SNX29: variants seen among roughly 807,000 people sequenced by gnomAD.
SNX29 encodes the protein sorting nexin-29.
A neutral mutation model predicts 102.1 loss-of-function variants in SNX29; 78 were observed. The observed-to-expected ratio is 0.76, with a 90% confidence interval of 0.64 to 0.92. The LOEUF is 0.92. Among genes scored for constraint, SNX29 ranks in the 40% least tolerant of loss-of-function variants. The probability of loss-of-function intolerance (pLI) is 0.00; values close to 1 mark genes in which losing one functional copy is unlikely to be tolerated. For synonymous variants in SNX29, 580 were observed against 414.5 expected (o/e 1.40, Z -4.85); for missense variants, 1,280 against 1,061.7 (o/e 1.21, Z -2.86).
intron 20 of SNX29, among the ~76,000 whole-genome samples, chr16:12,563,064 C>G (rs974934853): frequency 1.7e-4 from 26 of 152,172 alleles, no homozygotes; most frequent in African/African-American, 5.8e-4. Flanking sequence ...AATGTAGGTA[C>G]TGGAAGAGAA....
chr16:12,014,739 A>C (rs2056790775), intron 3 of SNX29, among the ~76,000 whole-genome samples: 1 of 151,576 alleles, frequency 6.6e-6, no homozygotes, highest in African/African-American at 2.4e-5. Flanking sequence ...TCTCAAAAAA[A>C]AAAAAAAAAA....
At chr16:12,268,775 C>A (rs2079007485) in intron 14 of SNX29, among the ~76,000 whole-genome samples, 1 of 152,182 alleles carries the variant, frequency 6.6e-6, no homozygotes, top group South Asian at 2.1e-4. Context: ...TCAGCTTGTT[C>A]ACATTGAAAG....
chr16:12,043,893 C>G (rs538079272), intron 5 of SNX29, among the ~76,000 whole-genome samples: 1 of 152,142 alleles, frequency 6.6e-6, no homozygotes, highest in Non-Finnish European at 1.5e-5. Flanking sequence ...GCTGGGATTA[C>G]AGGCCTGTGC....
chr16:12,148,911 A>G (rs2141570296), intron 13 of SNX29, among the ~76,000 whole-genome samples: 1 of 152,116 alleles, frequency 6.6e-6, no homozygotes, highest in Non-Finnish European at 1.5e-5. Flanking sequence ...CATGTTTGTC[A>G]GGCTGGTCTC....
intron 19 of SNX29, among the ~76,000 whole-genome samples, chr16:12,478,480 C>A (rs1322547027): frequency 6.6e-6 from 1 of 152,186 alleles, no homozygotes; most frequent in African/African-American, 2.4e-5. Flanking sequence ...GTTTATTCAT[C>A]CCGGTTCCCT....
intron 20 of SNX29, among the ~76,000 whole-genome samples, chr16:12,562,436 T>C (rs1598073687): frequency 6.6e-6 from 1 of 152,170 alleles, no homozygotes; most frequent in Non-Finnish European, 1.5e-5. Context: ...TGCACACAGC[T>C]TGCTAGTTTG....
chr16:12,025,249 C>T (rs556245462), intron 3 of SNX29, among the ~76,000 whole-genome samples: 6 of 134,912 alleles, frequency 4.4e-5, no homozygotes, highest in Admixed American at 1.7e-4. Context: ...TTGCAGTGAG[C>T]CGAGATTGTG....
At chr16:12,144,539 T>C (rs2054983962) in intron 13 of SNX29, among the ~76,000 whole-genome samples, 1 of 152,200 alleles carries the variant, frequency 6.6e-6, no homozygotes, top group African/African-American at 2.4e-5. Flanking sequence ...GCTGGGCTCC[T>C]TTTTCCGTTA....
intron 20 of SNX29, among the ~76,000 whole-genome samples, chr16:12,561,731 G>A (rs1368242350): frequency 2.0e-5 from 3 of 152,202 alleles, no homozygotes; most frequent in Non-Finnish European, 4.4e-5. Flanking sequence ...GCTAGCAGCA[G>A]GGAGGATGGA....
At position 12,567,502 on chromosome 16, in the gene SNX29, T is replaced by C. The variant is rs556533823; in HGVS notation, c.2319-1004T>C. ...GGACTTTACAGATGTGATTAAGGAT[T>C]GGCCAGGCACAGTGGCTCACACCTG... On this transcript the variant is annotated intron_variant, in intron 20 of 20. Transcript: ENST00000566228. 6.4e-4 allele frequency among the ~76,000 whole-genome samples: 97 copies of C among 152,310 alleles called. 1 individual carries two copies. Among genetic ancestry groups the C allele is most frequent in the African/African-American group, 2.2e-3 (92 of 41,568 alleles).
intron 8 of SNX29, among the ~76,000 whole-genome samples, chr16:12,060,217 T>G (rs1346184216): frequency 6.6e-6 from 1 of 152,172 alleles, no homozygotes; most frequent in Non-Finnish European, 1.5e-5. Context: ...TGGATTGTAT[T>G]AGGTATCATA....
At chr16:12,308,348 G>A (rs562543676) in intron 15 of SNX29, among the ~76,000 whole-genome samples, 1 of 152,310 alleles carries the variant, frequency 6.6e-6, no homozygotes, top group East Asian at 1.9e-4. Flanking sequence ...TTCCCTCATG[G>A]GGTGTGGGGT....
At chr16:12,176,598 T>C (rs1395046137) in intron 13 of SNX29, among the ~76,000 whole-genome samples, 1 of 152,194 alleles carries the variant, frequency 6.6e-6, no homozygotes, top group Non-Finnish European at 1.5e-5. Flanking sequence ...TTATAAGTAA[T>C]CTAGAGGTGA....
chr16:12,055,848 C>G (rs1277457364), intron 8 of SNX29, among the ~76,000 whole-genome samples: 3 of 152,190 alleles, frequency 2.0e-5, no homozygotes, highest in Non-Finnish European at 4.4e-5. Flanking sequence ...TGTGGCCCAG[C>G]AAAATTGACA....
chr16:12,387,763 G>A (rs1036561348), intron 16 of SNX29, among the ~76,000 whole-genome samples: 3 of 152,010 alleles, frequency 2.0e-5, no homozygotes, highest in Admixed American at 1.3e-4. Flanking sequence ...GGTCTTTTCC[G>A]GGAGACCTTG....
intron 19 of SNX29, among the ~76,000 whole-genome samples, chr16:12,513,447 G>A (rs984296740): frequency 6.6e-6 from 1 of 151,420 alleles, no homozygotes; most frequent in Admixed American, 6.6e-5. Flanking sequence ...TCCCTGCGCT[G>A]CCTTCCTCTG....
intron 15 of SNX29, among the ~76,000 whole-genome samples, chr16:12,300,396 G>T (rs1235672208): frequency 6.6e-6 from 1 of 152,116 alleles, no homozygotes; most frequent in East Asian, 1.9e-4. Context: ...TCAGTGATCA[G>T]CTTGGTGGTT....
chr16:12,401,510 C>T (rs7193658), intron 17 of SNX29, among the ~76,000 whole-genome samples: 5,493 of 151,712 alleles, frequency 0.036, 257 homozygotes, highest in African/African-American at 0.1. Context: ...ACTACAGGCG[C>T]GTGCCACCAT....
At chr16:12,531,833 G>A (rs1341641959) in intron 20 of SNX29, among the ~76,000 whole-genome samples, 2 of 152,326 alleles carry the variant, frequency 1.3e-5, no homozygotes, top group Non-Finnish European at 2.9e-5. Context: ...TAGGATGGCC[G>A]CCTGTGAGCT....
Sources: gnomAD v4.1 joint callset for allele counts (sites outside exome capture counted in the v4.1 genomes callset) on GRCh38, gnomAD v4.1.1 for gene constraint, MANE v1.5 for transcripts, NCBI Gene and HGNC (gene_info 2026-07-23, HGNC 2026-07-21) for gene names.